Variants in DCAF8 observed in about 807,000 individuals in gnomAD.
DCAF8 encodes DDB1 and CUL4 associated factor 8, also known as DDB1- and CUL4-associated factor 8.
In DCAF8, 20 loss-of-function variants were observed where a neutral mutation model predicts 68.0. The observed-to-expected ratio is 0.29, with a 90% CI of 0.21 to 0.43. DCAF8 has a LOEUF of 0.43. DCAF8 is among the 20% of genes least tolerant of loss of function. The pLI, the probability that DCAF8 is intolerant of heterozygous loss-of-function variation, is 1.00. For missense variants in DCAF8, 460 were observed against 771.0 expected (o/e 0.60, Z 4.78); for synonymous variants, 230 against 276.9 (o/e 0.83, Z 1.68).
chr1:160,246,095 G>A (rs1235391790), intron 2 of DCAF8, among the ~76,000 whole-genome samples: 2 of 151,926 alleles, frequency 1.3e-5, no homozygotes, highest in Non-Finnish European at 2.9e-5. Context: ...CCGAGATCGT[G>A]CCATTGCACC....
At chr1:160,262,238 G>GA (rs1366330426) in intron 1 of DCAF8, 74 of 398,050 alleles carry the variant, frequency 1.9e-4, no homozygotes, top group Non-Finnish European at 2.7e-4. Flanking sequence ...GCTGGGAAGC[G>GA]AGGGGGGGCG....
In DCAF8 at chr1:160,249,460, T is replaced by C. The variant is rs1046390117; in HGVS notation, c.-26-5426A>G. Among the ~76,000 whole-genome samples, 4 of 152,120 alleles carry C rather than the reference T, an allele frequency of 2.6e-5. No homozygotes were observed. The South Asian group carries it at 6.2e-4, about 24-fold the overall frequency. On this transcript the variant is annotated intron_variant, in intron 2 of 13. Transcript: ENST00000368074. Reference sequence around the variant, plus strand: ...TTTGGCAGTTTCTTATGAAGTTAAATATACACTTATCATACAACTCAGGAA... The same window carrying C: ...TTTGGCAGTTTCTTATGAAGTTAAACATACACTTATCATACAACTCAGGAA...
intron 3 of DCAF8, among the ~76,000 whole-genome samples, chr1:160,241,175 C>G (rs759590573): frequency 6.6e-6 from 1 of 152,058 alleles, no homozygotes; most frequent in Non-Finnish European, 1.5e-5. Context: ...TACCACTACA[C>G]CTTCTGTCAC....
chr1:160,246,130 A>T (rs187988383), intron 2 of DCAF8, among the ~76,000 whole-genome samples: 47 of 152,280 alleles, frequency 3.1e-4, no homozygotes, highest in African/African-American at 1.1e-3. Flanking sequence ...CAACAAGAGC[A>T]AACTCCGTCT....
chr1:160,228,632 G>A (rs1655559958), intron 7 of DCAF8, among the ~76,000 whole-genome samples: 1 of 141,710 alleles, frequency 7.1e-6, no homozygotes, highest in African/African-American at 2.6e-5. Flanking sequence ...TTTGGCCACA[G>A]GCCAAAAAGC....
At chr1:160,219,544 G>C (rs999731990) in intron 11 of DCAF8, 1 of 152,878 alleles carries the variant, frequency 6.5e-6, no homozygotes, top group Non-Finnish European at 1.5e-5. Flanking sequence ...GTCTGCTTGA[G>C]AGAACCTTGC....
At position 160,228,147 on chromosome 1, in the gene DCAF8, G is replaced by C. The variant is rs1048998932; in HGVS notation, c.1071-2484C>G. 2.8e-5 allele frequency among the ~76,000 whole-genome samples: 4 copies of C among 144,628 alleles called. 1 individual carries two copies. The East Asian group carries it at 8.1e-4, about 29-fold the overall frequency. 94.9% of individuals were successfully genotyped at this position (144,628 alleles called of 152,430 possible). The stretch of plus-strand genomic sequence containing the variant: ...TTGCTATATTGCCCAAGTTGGCCTT[G>C]AACTTCTGACCTCAAGCTATCCTCC... On this transcript the variant is annotated intron_variant, in intron 7 of 13. Coordinates refer to ENST00000368074, the MANE Select transcript of DCAF8 (RefSeq NM_015726.4).
intron 2 of DCAF8, among the ~76,000 whole-genome samples, chr1:160,248,241 AG>A (rs1656433183): frequency 6.6e-6 from 1 of 151,970 alleles, no homozygotes; most frequent in Non-Finnish European, 1.5e-5. Flanking sequence ...CAGGAGGTGG[AG>A]GTTGCAGTGA....
chr1:160,261,213 G>GT (rs1657076660), intron 2 of DCAF8, 72 bp downstream of exon 2: 1 of 152,228 alleles, frequency 6.6e-6, no homozygotes, highest in South Asian at 2.1e-4. Flanking sequence ...TATGACTTTA[G>GT]TGGTCAGCAG....
intron 2 of DCAF8, among the ~76,000 whole-genome samples, chr1:160,249,047 G>A (rs1174536096): frequency 2.0e-5 from 3 of 148,806 alleles, no homozygotes; most frequent in Non-Finnish European, 2.9e-5. Context: ...AAAATTAGCT[G>A]GGGGTGGTGG....
intron 2 of DCAF8, among the ~76,000 whole-genome samples, chr1:160,248,600 T>C (rs1300041498): frequency 1.3e-5 from 2 of 151,116 alleles, no homozygotes; most frequent in East Asian, 3.9e-4. Flanking sequence ...GCAGGCATGA[T>C]GGTGCGTGCC....
At chr1:160,226,787 A>C (rs1655491568) in intron 7 of DCAF8, among the ~76,000 whole-genome samples, 1 of 152,100 alleles carries the variant, frequency 6.6e-6, no homozygotes, top group Non-Finnish European at 1.5e-5. Flanking sequence ...AGTCCATCCT[A>C]ATCTGGTTTT....
chr1:160,222,832 A>G, intron 10 of DCAF8, 51 bp from the exon 11 acceptor site: 2 of 1,606,846 alleles, frequency 1.2e-6, no homozygotes, highest in Non-Finnish European at 1.7e-6. Flanking sequence ...CATCAGGCCT[A>G]TATACATTCA....
At chr1:160,237,054 G>A (rs1655921798) in intron 6 of DCAF8, 81 bp downstream of exon 6, 2 of 993,696 alleles carry the variant, frequency 2.0e-6, no homozygotes, top group Non-Finnish European at 3.0e-6. Flanking sequence ...GGATGAACCA[G>A]AGTTAGGCAT....
At chr1:160,254,515 C>T (rs76559273) in intron 2 of DCAF8, among the ~76,000 whole-genome samples, 2 of 150,108 alleles carry the variant, frequency 1.3e-5, no homozygotes, top group South Asian at 4.2e-4. Flanking sequence ...TTTTTTTGGC[C>T]AGGTACCATG....
intron 6 of DCAF8, among the ~76,000 whole-genome samples, chr1:160,236,365 T>C (rs1288881374): frequency 6.6e-6 from 1 of 152,028 alleles, no homozygotes; most frequent in South Asian, 2.1e-4. Context: ...TATGTGTGTA[T>C]ATAAACATAT....
chr1:160,243,433 G>A (rs1016822132), intron 3 of DCAF8, among the ~76,000 whole-genome samples: 22 of 147,796 alleles, frequency 1.5e-4, no homozygotes, highest in African/African-American at 5.5e-4. Context: ...TTAAAAAGAC[G>A]GGGTCTCGCT....
chr1:160,227,134 T>C (rs1655503922), intron 7 of DCAF8, among the ~76,000 whole-genome samples: 1 of 152,114 alleles, frequency 6.6e-6, no homozygotes, highest in Non-Finnish European at 1.5e-5. Flanking sequence ...TTCCCTGGTA[T>C]AGAGTAAGAT....
At chr1:160,250,189 C>T (rs1181116400) in intron 2 of DCAF8, among the ~76,000 whole-genome samples, 9 of 152,156 alleles carry the variant, frequency 5.9e-5, no homozygotes, top group East Asian at 3.8e-4. Context: ...TGCAGGCCGG[C>T]GCAGTGGCTC....
Sources: gnomAD v4.1 joint callset for allele counts (sites outside exome capture counted in the v4.1 genomes callset) on GRCh38, gnomAD v4.1.1 for gene constraint, MANE v1.5 for transcripts, NCBI Gene and HGNC (gene_info 2026-07-23, HGNC 2026-07-21) for gene names.